Variants in SGCD observed in about 807,000 individuals in gnomAD.
SGCD encodes the protein delta-sarcoglycan.
A neutral mutation model predicts 36.6 loss-of-function variants in SGCD; 18 were observed. The observed-to-expected ratio is 0.49, with a 90% confidence interval of 0.34 to 0.73. The LOEUF (loss-of-function observed/expected upper bound fraction) is 0.73. SGCD is among the 30% of genes least tolerant of loss of function. The pLI is 0.01. For synonymous variants in SGCD, 133 were observed against 130.6 expected (o/e 1.02, Z -0.12); for missense variants, 387 against 346.7 (o/e 1.12, Z -0.92).
intron 3 of SGCD, among the ~76,000 whole-genome samples, chr5:156,135,787 T>C (rs1030890779): frequency 1.3e-5 from 2 of 152,212 alleles, no homozygotes; most frequent in Admixed American, 1.3e-4. Context: ...TGAATGTTAA[T>C]GTCCCTGGAG....
intron 3 of SGCD, among the ~76,000 whole-genome samples, chr5:156,157,546 A>T (rs1762992949): frequency 2.0e-5 from 3 of 151,862 alleles, no homozygotes; most frequent in Middle Eastern, 3.4e-3. Context: ...TCTACAAAGG[A>T]CTAGAAATGT....
At chr5:156,069,155 T>C (rs539892318) in intron 1 of SGCD, among the ~76,000 whole-genome samples, 3,351 of 152,240 alleles carry the variant, frequency 0.022, 141 homozygotes, top group African/African-American at 0.071. Flanking sequence ...ATTTTGGCTT[T>C]TGTTGCCATT....
At chr5:156,132,247 G>A (rs577576049) in intron 3 of SGCD, among the ~76,000 whole-genome samples, 1 of 152,116 alleles carries the variant, frequency 6.6e-6, no homozygotes, top group South Asian at 2.1e-4. Flanking sequence ...GTTTGTGTGT[G>A]TGTGTGTGTT....
intron 3 of SGCD, among the ~76,000 whole-genome samples, chr5:156,411,329 T>C (rs1467663952): frequency 1.3e-5 from 2 of 152,204 alleles, no homozygotes; most frequent in African/African-American, 4.8e-5. Context: ...CCTTGTAAAC[T>C]GTAGCAGCAG....
chr5:155,996,849 A>G (rs1215983036), intron 1 of SGCD, among the ~76,000 whole-genome samples: 1 of 147,780 alleles, frequency 6.8e-6, no homozygotes, highest in African/African-American at 2.5e-5. Flanking sequence ...GGTAAATCTG[A>G]TATCTGGATG....
At position 156,762,160 on chromosome 5, in the gene SGCD, T is replaced by C. The variant is rs1388674918; in HGVS notation, c.*2770T>C. 1 of 152,572 alleles carries C rather than the reference T, an allele frequency of 6.6e-6. No homozygotes were observed. The highest frequency in any genetic ancestry group is 2.4e-5 in the African/African-American group (1 of 41,414). 9.5% of individuals were successfully genotyped at this position (152,572 alleles called of 1,614,324 possible). A position where few individuals can be genotyped will look rare whatever the true frequency, so the allele number is the denominator to read the frequency against. On this transcript the variant is annotated 3_prime_UTR_variant, in exon 9 of 9. Coordinates refer to ENST00000337851, the MANE Select transcript of SGCD (RefSeq NM_000337.6). ...CTACTAACGCCTACTTTTTAAAAAATGAGATTCTTTCTAATCTTTATATAT... is the reference window on the plus strand; with the variant it reads ...CTACTAACGCCTACTTTTTAAAAAACGAGATTCTTTCTAATCTTTATATAT...
intron 1 of SGCD, among the ~76,000 whole-genome samples, chr5:155,989,507 A>C (rs1450498263): frequency 6.6e-6 from 1 of 152,082 alleles, no homozygotes; most frequent in Non-Finnish European, 1.5e-5. Context: ...CTATCATACT[A>C]GGTAAAGTTT....
intron 1 of SGCD, among the ~76,000 whole-genome samples, chr5:155,996,347 G>A (rs911878082): frequency 6.6e-6 from 1 of 152,126 alleles, no homozygotes; most frequent in African/African-American, 2.4e-5. Flanking sequence ...AGCAAGCCAT[G>A]CCTTTCCCTC....
At chr5:155,764,391 G>A in the SGCD span, among the ~76,000 whole-genome samples, 1 of 152,252 alleles carries the variant, frequency 6.6e-6, no homozygotes, top group Non-Finnish European at 1.5e-5. Flanking sequence ...GGTCAACTGT[G>A]GCTCAGATAA....
intron 1 of SGCD, among the ~76,000 whole-genome samples, chr5:156,065,363 G>A (rs1760313862): frequency 8.4e-6 from 1 of 119,258 alleles, no homozygotes. Context: ...CAACTATGTG[G>A]TCAATTTTGG....
intron 7 of SGCD, among the ~76,000 whole-genome samples, chr5:156,673,463 G>A (rs769739379): frequency 3.3e-5 from 5 of 152,158 alleles, no homozygotes; most frequent in Non-Finnish European, 7.3e-5. Flanking sequence ...ACAGAGGAAG[G>A]CCAAGTCCTC....
intron 1 of SGCD, among the ~76,000 whole-genome samples, chr5:156,091,577 T>C (rs903877143): frequency 2.6e-5 from 4 of 152,230 alleles, no homozygotes; most frequent in Non-Finnish European, 5.9e-5. Context: ...ATTCATTGGC[T>C]GATCTGACAG....
intron 1 of SGCD, among the ~76,000 whole-genome samples, chr5:156,099,595 A>C (rs113491664): frequency 0.23 from 35,228 of 151,828 alleles, 4,403 homozygotes; most frequent in Middle Eastern, 0.29. Context: ...TTGTATTTTT[A>C]GTAGAGACGG....
chr5:156,448,379 G>T (rs1454004223), intron 3 of SGCD, among the ~76,000 whole-genome samples: 1 of 152,102 alleles, frequency 6.6e-6, no homozygotes, highest in Non-Finnish European at 1.5e-5. Flanking sequence ...TACTCTACTG[G>T]GGATGAAGTA....
chr5:156,392,578 C>G (rs1425151811), intron 3 of SGCD, among the ~76,000 whole-genome samples: 2 of 152,200 alleles, frequency 1.3e-5, no homozygotes, highest in Non-Finnish European at 2.9e-5. Flanking sequence ...CTTGTGTTAG[C>G]TCAATTAGAC....
chr5:156,281,590 G>C (rs905482886), intron 3 of SGCD, among the ~76,000 whole-genome samples: 1 of 152,140 alleles, frequency 6.6e-6, no homozygotes, highest in African/African-American at 2.4e-5. Context: ...GAACAAAATA[G>C]ATCTCTCCCT....
At chr5:156,086,508 G>T (rs1280957783) in intron 1 of SGCD, among the ~76,000 whole-genome samples, 4 of 152,236 alleles carry the variant, frequency 2.6e-5, no homozygotes, top group African/African-American at 4.8e-5. Flanking sequence ...CTCAGGAGTG[G>T]TGAGGGGTTA....
intron 3 of SGCD, among the ~76,000 whole-genome samples, chr5:156,301,387 A>C (rs1376349357): frequency 6.6e-6 from 1 of 152,040 alleles, no homozygotes; most frequent in South Asian, 2.1e-4. Flanking sequence ...ACTAGTAAAA[A>C]CTTTATGCTT....
At chr5:156,620,491 C>T (rs2113495613) in intron 6 of SGCD, among the ~76,000 whole-genome samples, 1 of 152,312 alleles carries the variant, frequency 6.6e-6, no homozygotes, top group Admixed American at 6.5e-5. Context: ...AGAACTTGGA[C>T]ATGCTGAGAG....
Sources: gnomAD v4.1 joint callset for allele counts (sites outside exome capture counted in the v4.1 genomes callset) on GRCh38, gnomAD v4.1.1 for gene constraint, MANE v1.5 for transcripts, NCBI Gene and HGNC (gene_info 2026-07-23, HGNC 2026-07-21) for gene names.